LAMC1: variants seen among roughly 807,000 people sequenced by gnomAD.
LAMC1 encodes the protein laminin subunit gamma 1, also known as laminin subunit gamma-1.
A neutral mutation model predicts 173.6 loss-of-function variants in LAMC1; 38 were observed. That is an observed-to-expected ratio of 0.22 (90% CI 0.17 to 0.29). The LOEUF (loss-of-function observed/expected upper bound fraction) is 0.29, where lower values mean the gene tolerates loss of function less well. LAMC1 is among the 10% of genes least tolerant of loss of function. The probability of loss-of-function intolerance (pLI) is 1.00; values close to 1 mark genes in which losing one functional copy is unlikely to be tolerated. For synonymous variants in LAMC1, 746 were observed against 749.1 expected (o/e 1.00, Z 0.07); for missense variants, 1,824 against 2,051.8 (o/e 0.89, Z 2.14).
chr1:183,125,359 G>A (rs1412211353), intron 14 of LAMC1, 38 bp from the exon 15 acceptor site: 1 of 1,606,532 alleles, frequency 6.2e-7, no homozygotes, highest in East Asian at 2.2e-5. Context: ...TCTCTCAGGT[G>A]ATTTGTGTCT....
Position 183,045,450 on chromosome 1 carries a change from A to G in LAMC1, c.418+21316A>G, listed in dbSNP as rs561798879. ...TGTTTTTGAGCTTTGTAAAAATGGT[A>G]TTCTATATGTGGTAATTGGCAACTT... On this transcript the variant is annotated intron_variant, in intron 1 of 27. Transcript: ENST00000258341. 1.4e-3 allele frequency among the ~76,000 whole-genome samples: 217 copies of G among 152,162 alleles called. 1 individual carries two copies. Among genetic ancestry groups the G allele is most frequent in the African/African-American group, 4.9e-3 (205 of 41,572 alleles).
At chr1:183,095,792 C>A (rs969153002) in intron 1 of LAMC1, among the ~76,000 whole-genome samples, 1 of 152,126 alleles carries the variant, frequency 6.6e-6, no homozygotes, top group Non-Finnish European at 1.5e-5. Context: ...CAGTTCTTGG[C>A]TTAAAATTTC....
intron 1 of LAMC1, among the ~76,000 whole-genome samples, chr1:183,098,083 T>C (rs1164386272): frequency 6.6e-6 from 1 of 152,180 alleles, no homozygotes; most frequent in Non-Finnish European, 1.5e-5. Context: ...CTACTTTCAC[T>C]TGCTCCCGCA....
Sources: allele counts gnomAD v4.1 joint callset (sites outside exome capture counted in the v4.1 genomes callset), GRCh38; gene constraint gnomAD v4.1.1; transcripts MANE v1.5; gene names NCBI Gene and HGNC (gene_info 2026-07-23, HGNC 2026-07-21).